The following PPP1R9A variants were observed in gnomAD, a reference collection of about 807,000 sequenced individuals.
The protein encoded by PPP1R9A is neurabin-1.
PPP1R9A carries 59 observed loss-of-function variants against 141.9 expected under a neutral mutation model. That is an observed-to-expected ratio of 0.42 (90% confidence interval 0.34 to 0.52). The LOEUF is 0.52. Ranked by LOEUF, PPP1R9A falls within the 20% of genes least tolerant of loss-of-function variation. The pLI, the probability that PPP1R9A is intolerant of heterozygous loss-of-function variation, is 0.10. For synonymous variants in PPP1R9A, 500 were observed against 569.7 expected, an observed-to-expected ratio of 0.88 and a Z score of 1.74; for missense variants, 1,444 against 1,611.9, an observed-to-expected ratio of 0.90 and a Z score of 1.78.
intron 12 of PPP1R9A, among the ~76,000 whole-genome samples, chr7:95,259,726 A>C (rs1800141525): frequency 6.6e-6 from 1 of 152,192 alleles, no homozygotes; most frequent in African/African-American, 2.4e-5. Context: ...GATTAAAGCC[A>C]GAATTTATTA....
chr7:94,923,177 T>G (rs761012160), intron 2 of PPP1R9A, among the ~76,000 whole-genome samples: 52 of 152,296 alleles, frequency 3.4e-4, no homozygotes, highest in South Asian at 4.1e-4. Context: ...CATTTTAAAT[T>G]GTGATTATAT....
At chr7:94,931,873 C>G (rs1455700008) in intron 2 of PPP1R9A, among the ~76,000 whole-genome samples, 1 of 152,140 alleles carries the variant, frequency 6.6e-6, no homozygotes, top group African/African-American at 2.4e-5. Context: ...CCACCGTGCC[C>G]GACTGACTGT....
rs914636246 is a variant in PPP1R9A at position 94,910,738 on chromosome 7, T to C, written c.625T>C (p.Phe209Leu). The change falls in exon 2 of 20, where the codon TTT becomes CTT. Residue 209 changes from phenylalanine (F) to leucine (L), a missense_variant. By Grantham distance (22) the Phe-to-Leu change is conservative. Coordinates refer to ENST00000433360, the MANE Select transcript of PPP1R9A (RefSeq NM_001166160.2). This position sits in a 1 kb window ranked among gnomAD's most constrained non-coding sequence, Gnocchi z 4.5. ...SPTVSQLSAV[F>L]ENTDSPSAII... Reference sequence around the variant, plus strand: ...AACTGTGAGTCAACTGAGTGCAGTATTTGAGAACACTGATTCTCCCAGTGC... The same window carrying C: ...AACTGTGAGTCAACTGAGTGCAGTACTTGAGAACACTGATTCTCCCAGTGC... The C allele has an allele frequency of 1.9e-6, 3 of 1,614,022 alleles. No individual in the cohort carries two copies. The highest frequency in any genetic ancestry group is 1.7e-6 in the Non-Finnish European group (2 of 1,180,032).
At chr7:95,264,468 T>C (rs1800945596) in intron 12 of PPP1R9A, among the ~76,000 whole-genome samples, 1 of 152,214 alleles carries the variant, frequency 6.6e-6, no homozygotes, top group Non-Finnish European at 1.5e-5. Context: ...TGACTCACAG[T>C]ATTACTGTAG....
intron 5 of PPP1R9A, among the ~76,000 whole-genome samples, chr7:95,178,298 G>T (rs1833196891): frequency 6.6e-6 from 1 of 152,062 alleles, no homozygotes; most frequent in Non-Finnish European, 1.5e-5. Flanking sequence ...GGTCAAAAAT[G>T]AAATCAAGAT....
At chr7:95,056,385 C>T (rs1276038699) in intron 2 of PPP1R9A, among the ~76,000 whole-genome samples, 2 of 152,098 alleles carry the variant, frequency 1.3e-5, no homozygotes, top group East Asian at 3.9e-4. Flanking sequence ...GCTGGTTTAT[C>T]GTCATGCAAA....
At chr7:95,190,126 T>C (rs558260035) in intron 5 of PPP1R9A, among the ~76,000 whole-genome samples, 2 of 152,314 alleles carry the variant, frequency 1.3e-5, no homozygotes, top group South Asian at 4.1e-4. Flanking sequence ...AGAATTACTT[T>C]TCCGATTCCT....
At chr7:94,952,604 C>T (rs937893044) in intron 2 of PPP1R9A, among the ~76,000 whole-genome samples, 5 of 152,186 alleles carry the variant, frequency 3.3e-5, no homozygotes, top group African/African-American at 9.6e-5. Flanking sequence ...TCTCTACATC[C>T]TCTCCAGCAT....
chr7:95,246,380 C>T (rs933161515), intron 8 of PPP1R9A, among the ~76,000 whole-genome samples: 1 of 152,104 alleles, frequency 6.6e-6, no homozygotes, highest in Non-Finnish European at 1.5e-5. Flanking sequence ...GTTTATGGTC[C>T]CTCATGTACA....
chr7:95,281,101 G>C (rs1421587189), intron 16 of PPP1R9A, among the ~76,000 whole-genome samples: 1 of 152,096 alleles, frequency 6.6e-6, no homozygotes, highest in South Asian at 2.1e-4. Context: ...CTCTAGGTCC[G>C]AGAAATGAAA....
chr7:95,040,276 A>G (rs1052929780), intron 2 of PPP1R9A, among the ~76,000 whole-genome samples: 2 of 152,036 alleles, frequency 1.3e-5, no homozygotes, highest in Admixed American at 6.6e-5. Flanking sequence ...GTGTATAAGT[A>G]AAAATATAAC....
intron 2 of PPP1R9A, among the ~76,000 whole-genome samples, chr7:95,102,747 G>A (rs1373653383): frequency 2.6e-5 from 4 of 152,060 alleles, no homozygotes; most frequent in Non-Finnish European, 2.9e-5. Context: ...GTAAATCTGC[G>A]GTCTTATTTC....
chr7:95,159,973 TATAG>T (rs1414522224), intron 4 of PPP1R9A, among the ~76,000 whole-genome samples: 1 of 149,134 alleles, frequency 6.7e-6, no homozygotes, highest in Non-Finnish European at 1.5e-5. Flanking sequence ...GTGACTCAAA[TATAG>T]CACAATGCTA....
chr7:95,143,478 G>T lies in PPP1R9A; in HGVS notation c.1650-18389G>T, dbSNP rs185607140. ...GTGGGGCCCACTGTATTTTAAACAC[G>T]TACCCCCAGGTAATTCTGATATAGA... is the stretch of plus-strand genomic sequence containing the variant. On this transcript the variant is annotated intron_variant, in intron 4 of 19. Transcript: ENST00000433360. Among the ~76,000 whole-genome samples, 20 of 152,192 alleles carry T rather than the reference G, an allele frequency of 1.3e-4. No homozygotes were observed. In the East Asian group the frequency reaches 3.7e-3, roughly 28 times the overall value.
At chr7:95,147,567 T>G (rs1052073702) in intron 4 of PPP1R9A, among the ~76,000 whole-genome samples, 1 of 152,184 alleles carries the variant, frequency 6.6e-6, no homozygotes, top group Non-Finnish European at 1.5e-5. Flanking sequence ...CTTCCTTGTC[T>G]TGTGTCGGTT....
chr7:95,169,728 A>G (rs1831825322), intron 5 of PPP1R9A, among the ~76,000 whole-genome samples: 1 of 151,942 alleles, frequency 6.6e-6, no homozygotes, highest in South Asian at 2.1e-4. Context: ...CTCTGATCCC[A>G]CATTCAAAAG....
At chr7:95,031,156 G>A (rs1451680115) in intron 2 of PPP1R9A, among the ~76,000 whole-genome samples, 1 of 152,124 alleles carries the variant, frequency 6.6e-6, no homozygotes, top group Non-Finnish European at 1.5e-5. Flanking sequence ...TTTCAATTTT[G>A]TCTTATGGAA....
At chr7:95,245,645 T>A (rs1214266248) in intron 8 of PPP1R9A, among the ~76,000 whole-genome samples, 1 of 152,104 alleles carries the variant, frequency 6.6e-6, no homozygotes. Context: ...AGCAGCACTG[T>A]TGTGTCTTTA....
At chr7:95,109,380 T>C (rs558472711) in intron 2 of PPP1R9A, among the ~76,000 whole-genome samples, 1 of 152,346 alleles carries the variant, frequency 6.6e-6, no homozygotes, top group Non-Finnish European at 1.5e-5. Flanking sequence ...AACTGTAAGC[T>C]ACTAGAAACT....
Sources: gnomAD v4.1 joint callset for allele counts (sites outside exome capture counted in the v4.1 genomes callset) on GRCh38, gnomAD v4.1.1 for gene constraint, Gnocchi (gnomAD v3.1) non-coding constraint, MANE v1.5 for transcripts, NCBI Gene and HGNC (gene_info 2026-07-23, HGNC 2026-07-21) for gene names.